Variants in VPS13B observed in about 807,000 individuals in gnomAD.
VPS13B encodes the protein vacuolar protein sorting 13 homolog B.
In VPS13B, 285 loss-of-function variants were observed where a neutral mutation model predicts 426.4. The observed-to-expected ratio is 0.67, with a 90% CI of 0.61 to 0.74. The LOEUF is 0.74. VPS13B is among the 30% of genes least tolerant of loss of function. The pLI, the probability that VPS13B is intolerant of heterozygous loss-of-function variation, is 0.00. For missense variants in VPS13B, 4,537 were observed against 4,782.6 expected (o/e 0.95, Z 1.51); for synonymous variants, 1,676 against 1,676.4 (o/e 1.00, Z 0.01).
chr8:99,601,961 A>C (rs1176572585), intron 33 of VPS13B, among the ~76,000 whole-genome samples: 2 of 152,152 alleles, frequency 1.3e-5, no homozygotes, highest in Non-Finnish European at 2.9e-5. Flanking sequence ...GTTCACTCTG[A>C]TGATAGTTTC....
chr8:99,136,554 C>G, intron 11 of VPS13B, 111 bp from the exon 12 acceptor site: 2 of 1,067,136 alleles, frequency 1.9e-6, no homozygotes, highest in African/African-American at 1.6e-5. Flanking sequence ...TTTGGTCATC[C>G]TTTGTGTTGT....
chr8:99,498,805 A>G (rs1821070362), intron 25 of VPS13B, among the ~76,000 whole-genome samples: 1 of 152,128 alleles, frequency 6.6e-6, no homozygotes, highest in Admixed American at 6.5e-5. Flanking sequence ...AAAACACTTA[A>G]TCATTTTTTC....
At chr8:99,252,875 T>C (rs1474569982) in intron 17 of VPS13B, among the ~76,000 whole-genome samples, 1 of 152,104 alleles carries the variant, frequency 6.6e-6, no homozygotes, top group Non-Finnish European at 1.5e-5. Context: ...TTTTAAAGTA[T>C]ACAATTCAGG....
At chr8:99,745,552 G>T (rs926525990) in intron 39 of VPS13B, among the ~76,000 whole-genome samples, 8 of 151,982 alleles carry the variant, frequency 5.3e-5, no homozygotes, top group African/African-American at 1.9e-4. Flanking sequence ...CTTTATCATA[G>T]GTATGCATGT....
At chr8:99,028,602 A>C (rs1382170980) in intron 2 of VPS13B, among the ~76,000 whole-genome samples, 1 of 77,128 alleles carries the variant, frequency 1.3e-5, no homozygotes, top group East Asian at 4.9e-4. Flanking sequence ...CGGACGGGGC[A>C]GCTGGCCGGG....
intron 17 of VPS13B, among the ~76,000 whole-genome samples, chr8:99,224,630 G>A (rs752417603): frequency 6.6e-6 from 1 of 151,994 alleles, no homozygotes; most frequent in Non-Finnish European, 1.5e-5. Context: ...TTAAAGCATA[G>A]GACAACATTA....
At chr8:99,490,097 G>A (rs1410225638) in intron 25 of VPS13B, among the ~76,000 whole-genome samples, 1 of 152,148 alleles carries the variant, frequency 6.6e-6, no homozygotes, top group Non-Finnish European at 1.5e-5. Context: ...TTTATTGAGA[G>A]TTTTTAGCAT....
At chr8:99,130,573 G>A (rs1809731258) in intron 8 of VPS13B, among the ~76,000 whole-genome samples, 2 of 151,868 alleles carry the variant, frequency 1.3e-5, no homozygotes, top group Admixed American at 6.6e-5. Context: ...ATTTTTTTTA[G>A]TAGAGACAGG....
chr8:99,166,016 G>A (rs1441210194), intron 15 of VPS13B, among the ~76,000 whole-genome samples: 1 of 152,108 alleles, frequency 6.6e-6, no homozygotes, highest in Non-Finnish European at 1.5e-5. Flanking sequence ...GTTTTGCACT[G>A]TTGCCCTGGC....
chr8:99,875,541 G>A lies in VPS13B; in HGVS notation c.11869G>A (p.Ala3957Thr). ...SSMQIPCPVVAAEPPPSTVKT... is the reference protein window; with the variant it reads ...SSMQIPCPVVTAEPPPSTVKT... ...CATGCAAATACCATGCCCTGTGGTG[G>A]CTGCAGAACCTCCCCCCTCCACTGT... Residue 3957 changes from alanine to threonine, a missense_variant, in exon 62 of 62, where the codon GCT (alanine) becomes ACT (threonine). By Grantham distance (58) the Ala-to-Thr change is moderately conservative (BLOSUM62 0). Around this residue, in one of 2 missense-constraint regions of VPS13B, gnomAD observed 4,311 missense variants for 4,474.3 expected, o/e 0.96. Transcript: ENST00000357162. 6.2e-7 allele frequency: 1 copy of A among 1,614,064 alleles called. No individual in the cohort carries two copies. Among genetic ancestry groups the A allele is most frequent in the Non-Finnish European group, 8.5e-7 (1 of 1,179,962 alleles).
rs1811878366 is a variant in VPS13B at position 99,778,974 on chromosome 8, A to C, written c.7722A>C (p.Val2574=). The C allele has an allele frequency of 1.2e-6, 2 of 1,613,806 alleles. No individual in the cohort carries two copies. The highest frequency in any genetic ancestry group is 1.7e-6 in the Non-Finnish European group (2 of 1,179,874). Residue 2574 remains valine (V), a synonymous_variant, in exon 42 of 62, where the codon GTA becomes GTC. Coordinates refer to ENST00000357162, the MANE Select transcript of VPS13B (RefSeq NM_152564.5). ...DCTVIVDSVF[V]NLGQHVVHSL... ...CCGTGATAGTTGATTCTGTATTTGT[A>C]AACCTTGGACAGCATGTAGTCCATT...
intron 3 of VPS13B, among the ~76,000 whole-genome samples, chr8:99,053,694 G>C (rs879864933): frequency 3.7e-5 from 3 of 81,346 alleles, no homozygotes; most frequent in Admixed American, 2.7e-4. Flanking sequence ...TTTTTTTCTT[G>C]CTTACAACTC....
rs1335018364 is a variant in VPS13B at position 99,741,849 on chromosome 8, C to G, written c.7050+20802C>G. On this transcript the variant is annotated intron_variant, in intron 39 of 61. Coordinates refer to ENST00000357162, the MANE Select transcript of VPS13B (RefSeq NM_152564.5). ...AGTGTGTAGAGGGAAATTTATAGCA[C>G]TAAATGCCCACAAGAGAAGGCAGGA... 3.3e-5 allele frequency among the ~76,000 whole-genome samples: 5 copies of G among 152,222 alleles called. No homozygotes were observed. The East Asian group carries it at 9.6e-4, about 29-fold the overall frequency.
chr8:99,274,403 C>T lies in VPS13B; in HGVS notation c.2650+71C>T, dbSNP rs541583340. 64 of 1,605,334 alleles carry T rather than the reference C, an allele frequency of 4.0e-5. 1 individual carries two copies. The African/African-American group carries it at 7.0e-4, about 17-fold the overall frequency. ...AATTGGCCTTGCGTTTTACAAGGAG[C>T]GTTACTGAAACAAGAATTTACTCAC... On this transcript the variant is annotated intron_variant, in intron 18 of 61. Coordinates refer to ENST00000357162, the MANE Select transcript of VPS13B (RefSeq NM_152564.5).
intron 18 of VPS13B, 41 bp from the exon 19 acceptor site, chr8:99,275,040 T>C: frequency 6.7e-7 from 1 of 1,495,320 alleles, no homozygotes; most frequent in Non-Finnish European, 9.0e-7. Context: ...AAGTGACTCA[T>C]GTTTTATTTT....
intron 58 of VPS13B, chr8:99,868,010 C>T: frequency 2.5e-6 from 1 of 401,478 alleles, no homozygotes; most frequent in Non-Finnish European, 4.7e-6. Context: ...ATGGATGACA[C>T]TCTGAATAGC....
intron 23 of VPS13B, among the ~76,000 whole-genome samples, chr8:99,464,054 A>G (rs1185762403): frequency 7.5e-6 from 1 of 133,120 alleles, no homozygotes. Flanking sequence ...ACTCTCAGCA[A>G]TTTTGGCCTA....
At chr8:99,872,444 T>C (rs1010455150) in intron 61 of VPS13B, among the ~76,000 whole-genome samples, 1 of 152,198 alleles carries the variant, frequency 6.6e-6, no homozygotes, top group African/African-American at 2.4e-5. Context: ...GGCTGGCTCC[T>C]GGCCTGCATA....
At chr8:99,092,175 G>T (rs1846185333) in intron 3 of VPS13B, 1 of 152,158 alleles carries the variant, frequency 6.6e-6, no homozygotes, top group Non-Finnish European at 1.5e-5. Context: ...CTGTTTACGT[G>T]CAGTGTTTGC....
Sources: allele counts gnomAD v4.1 joint callset (sites outside exome capture counted in the v4.1 genomes callset), GRCh38; gene constraint gnomAD v4.1.1; regional missense constraint gnomAD v4.1.1; transcripts MANE v1.5; gene names NCBI Gene and HGNC (gene_info 2026-07-23, HGNC 2026-07-21).